The following JAKMIP3 variants were observed in gnomAD, a reference collection of about 807,000 sequenced individuals.
JAKMIP3 encodes the protein Janus kinase and microtubule interacting protein 3, also known as janus kinase and microtubule-interacting protein 3.
JAKMIP3 carries 58 observed loss-of-function variants against 118.5 expected under a neutral mutation model. The ratio of observed to expected loss-of-function variants is 0.49; its 90% CI spans 0.40 to 0.61. The LOEUF (loss-of-function observed/expected upper bound fraction) is 0.61, where lower values mean the gene tolerates loss of function less well. JAKMIP3 is among the 20% of genes least tolerant of loss of function. The pLI, the probability that JAKMIP3 is intolerant of heterozygous loss-of-function variation, is 0.00. For synonymous variants in JAKMIP3, 486 were observed against 451.2 expected, an observed-to-expected ratio of 1.08 and a Z score of -0.98; for missense variants, 950 against 1,109.0, an observed-to-expected ratio of 0.86 and a Z score of 2.04.
At chr10:132,142,143 TG>T in intron 11 of JAKMIP3, 95 bp downstream of exon 11, 1 of 1,362,962 alleles carries the variant, frequency 7.3e-7, no homozygotes, top group Non-Finnish European at 9.9e-7. Flanking sequence ...CTAGCCCTCC[TG>T]GGCCCGGGCC....
intron 1 of JAKMIP3, among the ~76,000 whole-genome samples, chr10:132,082,156 G>C (rs2041854790): frequency 1.1e-5 from 1 of 90,862 alleles, no homozygotes; most frequent in Non-Finnish European, 2.0e-5. Flanking sequence ...CCAGACATTG[G>C]GCATTGTTTG....
Position 132,104,817 on chromosome 10 carries a change from G to T in JAKMIP3, c.9G>T (p.Lys3Asn), listed in dbSNP as rs372275166. MSKRGMSSRAKGD... is the reference protein window; with the variant it reads MSNRGMSSRAKGD... ...GGCCATCCAGCCTCACCATGTCCAA[G>T]AGGGGCATGAGCAGCCGGGCCAAGG... The change falls in exon 2 of 24, where the codon AAG (lysine) becomes AAT (asparagine). Residue 3 changes from lysine (K) to asparagine (N), a missense_variant. Coordinates refer to ENST00000684848, the MANE Select transcript of JAKMIP3 (RefSeq NM_001323087.2). 103 of 1,551,756 alleles carry T rather than the reference G, an allele frequency of 6.6e-5. No individual in the cohort carries two copies. Among genetic ancestry groups the T allele is most frequent in the Non-Finnish European group, 7.9e-5 (91 of 1,147,534 alleles).
At chr10:132,167,815 C>T in intron 22 of JAKMIP3, 138 bp from the exon 23 acceptor site, 2 of 355,190 alleles carry the variant, frequency 5.6e-6, no homozygotes, top group Middle Eastern at 9.4e-4. Context: ...TCACCCCTCA[C>T]CCCTCGGCCC....
At chr10:132,137,471 A>AGT (rs2052046858) in intron 8 of JAKMIP3, among the ~76,000 whole-genome samples, 182 bp downstream of exon 8, 1 of 152,204 alleles carries the variant, frequency 6.6e-6, no homozygotes, top group African/African-American at 2.4e-5. Flanking sequence ...GACGCCCTTC[A>AGT]GTGTGGGTCA....
At chr10:132,162,840 T>C (rs1023687021) in intron 19 of JAKMIP3, among the ~76,000 whole-genome samples, 1 of 143,572 alleles carries the variant, frequency 7.0e-6, no homozygotes, top group African/African-American at 2.5e-5. Context: ...TGAATTGGAT[T>C]TGGGGAGGCA....
At chr10:132,097,127 C>T (rs150298929) in intron 1 of JAKMIP3, among the ~76,000 whole-genome samples, 10 of 152,354 alleles carry the variant, frequency 6.6e-5, no homozygotes, top group Non-Finnish European at 1.0e-4. Flanking sequence ...CCACCAAATA[C>T]AGGCAAAGGT....
At chr10:132,155,680 G>C (rs1401504550) in intron 19 of JAKMIP3, among the ~76,000 whole-genome samples, 14 of 152,186 alleles carry the variant, frequency 9.2e-5, no homozygotes, top group Admixed American at 9.2e-4. Flanking sequence ...TAAGATGCTG[G>C]GCATGGAGGC....
chr10:132,043,569 T>C (rs1288188900), intron 1 of JAKMIP3, among the ~76,000 whole-genome samples: 1 of 152,236 alleles, frequency 6.6e-6, no homozygotes, highest in African/African-American at 2.4e-5. Flanking sequence ...TAAATGTTTT[T>C]CAGTCCTAGT....
In JAKMIP3 at chr10:132,040,912, CAT is replaced by C. The variant is rs142956971; in HGVS notation, c.-138+4176_-138+4177del. 4.1e-3 allele frequency among the ~76,000 whole-genome samples: 625 copies of C among 152,304 alleles called. 3 individuals are homozygous for C. Among genetic ancestry groups the C allele is most frequent in the African/African-American group, 0.014 (591 of 41,560 alleles). On this transcript the variant is annotated intron_variant, in intron 1 of 23. Transcript: ENST00000657785. ...TGTGATTTGACTATTTTCAACACCT[CAT>C]AGAACTGGAATCATGCAGTACTCGA...
At chr10:132,104,180 G>A (rs2045544240) in intron 1 of JAKMIP3, among the ~76,000 whole-genome samples, 1 of 152,046 alleles carries the variant, frequency 6.6e-6, no homozygotes, top group Non-Finnish European at 1.5e-5. Flanking sequence ...GCTGCTGTGA[G>A]CTGGGCGTGC....
At chr10:132,038,551 C>T (rs1056014834) in intron 1 of JAKMIP3, among the ~76,000 whole-genome samples, 10 of 152,162 alleles carry the variant, frequency 6.6e-5, no homozygotes, top group African/African-American at 2.4e-4. Context: ...AATCCCAGCA[C>T]TTTGGGAGGC....
intron 3 of JAKMIP3, among the ~76,000 whole-genome samples, chr10:132,132,701 C>A (rs2050869021): frequency 6.6e-6 from 1 of 152,190 alleles, no homozygotes; most frequent in Non-Finnish European, 1.5e-5. Flanking sequence ...TGTGCGGGGC[C>A]CCAGCTTTGT....
chr10:132,111,155 T>G (rs2046800962), intron 2 of JAKMIP3, among the ~76,000 whole-genome samples: 1 of 152,184 alleles, frequency 6.6e-6, no homozygotes, highest in South Asian at 2.1e-4. Context: ...GGGGCCTGCC[T>G]AGAGGTGGGA....
chr10:132,050,664 C>T (rs2038072146), intron 1 of JAKMIP3, among the ~76,000 whole-genome samples: 1 of 152,188 alleles, frequency 6.6e-6, no homozygotes, highest in Admixed American at 6.5e-5. Context: ...TAACAGCCTA[C>T]ATTAGCTTCC....
chr10:132,042,180 CTCGCTCCT>C (rs1192813683), intron 1 of JAKMIP3, among the ~76,000 whole-genome samples: 213 of 39,148 alleles, frequency 5.4e-3, no homozygotes, highest in South Asian at 0.05. Flanking sequence ...CACTTGCTCG[CTCGCTCCT>C]TCCTTCCTTC....
At chr10:132,124,276 C>T (rs1012432994) in intron 3 of JAKMIP3, among the ~76,000 whole-genome samples, 3 of 152,102 alleles carry the variant, frequency 2.0e-5, no homozygotes, top group Admixed American at 2.0e-4. Flanking sequence ...TCCATTGCCA[C>T]GCGGTCGCCC....
chr10:132,041,291 C>CT (rs1261498502), intron 1 of JAKMIP3, among the ~76,000 whole-genome samples: 1 of 152,232 alleles, frequency 6.6e-6, no homozygotes, highest in African/African-American at 2.4e-5. Flanking sequence ...ATCAGACAAA[C>CT]TGGAGTGCAT....
chr10:132,180,694 T>TGTGC (rs1565020793), intron 23 of JAKMIP3, among the ~76,000 whole-genome samples: 1 of 16,906 alleles, frequency 5.9e-5, no homozygotes, highest in African/African-American at 2.4e-4. Flanking sequence ...TGTGTGTGCG[T>TGTGC]GCGTGTGTGT....
intron 9 of JAKMIP3, among the ~76,000 whole-genome samples, chr10:132,139,463 T>TGTGA (rs2052939453): frequency 6.7e-6 from 1 of 150,202 alleles, no homozygotes; most frequent in Non-Finnish European, 1.5e-5. Flanking sequence ...TGTGTCTGCA[T>TGTGA]GTGTGTATGT....
Sources: gnomAD v4.1 joint callset for allele counts (sites outside exome capture counted in the v4.1 genomes callset) on GRCh38, gnomAD v4.1.1 for gene constraint, MANE v1.5 for transcripts, NCBI Gene and HGNC (gene_info 2026-07-23, HGNC 2026-07-21) for gene names.